Variants in SCARB1 observed in about 807,000 individuals in gnomAD.
SCARB1 encodes the protein CD36 and LIMPII analogous 1.
A neutral mutation model predicts 57.2 loss-of-function variants in SCARB1; 30 were observed. That is an observed-to-expected ratio of 0.52 (90% CI 0.39 to 0.71). The LOEUF is 0.71. SCARB1 is among the 30% of genes least tolerant of loss of function. The probability of loss-of-function intolerance (pLI) is 0.00; values close to 1 mark genes in which losing one functional copy is unlikely to be tolerated. For missense variants in SCARB1, 543 were observed against 671.2 expected (o/e 0.81, Z 2.11); for synonymous variants, 249 against 268.3 (o/e 0.93, Z 0.70).
intron 1 of SCARB1, among the ~76,000 whole-genome samples, chr12:124,846,517 G>A (rs906990194): frequency 6.6e-6 from 1 of 152,008 alleles, no homozygotes; most frequent in Non-Finnish European, 1.5e-5. Context: ...TTGGGAGGCC[G>A]AGGCAGGCGG....
chr12:124,854,393 T>C (rs1424791610), intron 1 of SCARB1, among the ~76,000 whole-genome samples: 1 of 152,148 alleles, frequency 6.6e-6, no homozygotes, highest in African/African-American at 2.4e-5. Flanking sequence ...CTGGGCCAGG[T>C]TAGGACCTGG....
rs1473303881 is a variant in SCARB1 at position 124,800,805 on chromosome 12, A to G, written c.1010-563T>C. The stretch of plus-strand genomic sequence containing the variant: ...ACACACCTGCTACAAATGTGAGCTC[A>G]ACCTCGCCACTGACCAACCAAACCA... On this transcript the variant is annotated intron_variant, in intron 7 of 12. Transcript: ENST00000261693. The surrounding 1 kb of genome is among the most constrained non-coding windows in gnomAD (Gnocchi z 4.8). 6.6e-6 allele frequency among the ~76,000 whole-genome samples: 1 copy of G among 152,136 alleles called. No individual in the cohort carries two copies. Among genetic ancestry groups the G allele is most frequent in the African/African-American group, 2.4e-5 (1 of 41,424 alleles).
chr12:124,778,788 G>A (rs923855875), intron 12 of SCARB1, among the ~76,000 whole-genome samples: 4 of 151,988 alleles, frequency 2.6e-5, no homozygotes, highest in Admixed American at 2.0e-4. Flanking sequence ...CTCAACACCC[G>A]CCTGGCCTCC....
chr12:124,811,853 C>A lies in SCARB1; in HGVS notation c.726+17G>T, dbSNP rs201556935. ...CCCTCTCCCTGGCGACAGGGGCCCT[C>A]GCCTCTCGCCCCTCACCTTGCTCAG... is the stretch of plus-strand genomic sequence containing the variant. On this transcript the variant is annotated intron_variant, in intron 5 of 12. Coordinates refer to ENST00000261693, the MANE Select transcript of SCARB1 (RefSeq NM_005505.5). The A allele has an allele frequency of 3.6e-5, 57 of 1,591,718 alleles. No individual in the cohort carries two copies. The highest frequency in any genetic ancestry group is 4.0e-5 in the Non-Finnish European group (47 of 1,164,810).
rs28497805 is a variant in SCARB1 at position 124,840,997 on chromosome 12, C to A, written c.126+22598G>T. On this transcript the variant is annotated intron_variant, in intron 1 of 12. Coordinates refer to ENST00000261693, the MANE Select transcript of SCARB1 (RefSeq NM_005505.5). The stretch of plus-strand genomic sequence containing the variant: ...CAGCCTGCCCAACATGGTGAAACAC[C>A]ATCTTTACGAAAAATACAAAAATTA... Among the ~76,000 whole-genome samples the A allele has an allele frequency of 4.1e-3, 618 of 152,062 alleles. 2 individuals carry two copies. The highest frequency in any genetic ancestry group is 0.013 in the African/African-American group (549 of 41,460).
At chr12:124,855,373 T>C (rs1952585721) in intron 1 of SCARB1, among the ~76,000 whole-genome samples, 1 of 152,134 alleles carries the variant, frequency 6.6e-6, no homozygotes, top group Admixed American at 6.5e-5. Flanking sequence ...TGTCTCCATA[T>C]CTCACGCAGG....
At chr12:124,857,348 T>TG (rs1952682251) in intron 1 of SCARB1, among the ~76,000 whole-genome samples, 1 of 152,218 alleles carries the variant, frequency 6.6e-6, no homozygotes, top group Non-Finnish European at 1.5e-5. Flanking sequence ...GCCCATTGAC[T>TG]GTTATCTCCC....
intron 1 of SCARB1, chr12:124,839,375 C>A (rs192008291): frequency 6.9e-6 from 3 of 435,628 alleles, no homozygotes; most frequent in South Asian, 3.3e-5. Flanking sequence ...TCGCAGCGTG[C>A]GTCCAAACGT....
Position 124,795,218 on chromosome 12 carries a change from G to A in SCARB1, c.1179C>T (p.Tyr393=). The change falls in exon 9 of 13, where the codon TAC becomes TAT. Residue 393 remains tyrosine, a synonymous_variant. Coordinates refer to ENST00000261693, the MANE Select transcript of SCARB1 (RefSeq NM_005505.5). ...ACCCAATGCCTGCGACAGATTTCAT[G>A]TAGAGGCTCAGCTGCAGTTTCACAG... ...NCSVKLQLSL[Y]MKSVAGIGQT... 4 of 1,613,984 alleles carry A rather than the reference G, an allele frequency of 2.5e-6. No homozygotes were observed. The highest frequency in any genetic ancestry group is 3.4e-6 in the Non-Finnish European group (4 of 1,179,876).
At chr12:124,846,855 T>C (rs766419985) in intron 1 of SCARB1, among the ~76,000 whole-genome samples, 6 of 150,530 alleles carry the variant, frequency 4.0e-5, no homozygotes, top group Non-Finnish European at 7.4e-5. Context: ...CGCAGCAATG[T>C]GGGTGGATCC....
At chr12:124,837,468 A>AAGGAAGGAAGG (rs1566230970) in intron 1 of SCARB1, among the ~76,000 whole-genome samples, 29 of 121,594 alleles carry the variant, frequency 2.4e-4, no homozygotes, top group African/African-American at 1.0e-3. Flanking sequence ...GGAAAGAAAG[A>AAGGAAGGAAGG]AAGAAAGGAA....
chr12:124,838,843 T>G (rs1193731991), intron 1 of SCARB1, among the ~76,000 whole-genome samples: 1 of 148,832 alleles, frequency 6.7e-6, no homozygotes, highest in Non-Finnish European at 1.5e-5. Flanking sequence ...TGGTGTGATC[T>G]CAGCTCACTG....
At position 124,863,689 on chromosome 12, in the gene SCARB1, G is replaced by A. The variant is rs1399832331; in HGVS notation, c.32C>T (p.Ala11Val). ...TAGCCCCGCGACGCCCAGCGCCCCG[G>A]CAGCCCAGCGCGCTTTGGCGGAGCA... MGCSAKARWA[A>V]GALGVAGLLC... The change falls in exon 1 of 13, where the codon GCC becomes GTC. Residue 11 changes from alanine to valine, a missense_variant. Transcript: ENST00000261693. The A allele has an allele frequency of 4.5e-6, 7 of 1,548,128 alleles. No individual in the cohort carries two copies. In the South Asian group the frequency reaches 6.0e-5, roughly 13 times the overall value.
intron 1 of SCARB1, among the ~76,000 whole-genome samples, chr12:124,836,907 A>T (rs1363080382): frequency 6.6e-6 from 1 of 151,934 alleles, no homozygotes; most frequent in Non-Finnish European, 1.5e-5. Context: ...AAGAGCACAA[A>T]CCCAATGTTG....
intron 9 of SCARB1, among the ~76,000 whole-genome samples, chr12:124,794,160 T>C (rs748927078): frequency 2.6e-5 from 4 of 152,126 alleles, no homozygotes; most frequent in Non-Finnish European, 5.9e-5. Flanking sequence ...AAGTGAGTGT[T>C]AATGAGTGTG....
At position 124,812,053 on chromosome 12, in the gene SCARB1, C is replaced by A; in HGVS notation, c.631-88G>T. ...GAACATTCTGGGCTGAGCCCTCCTC[C>A]CCCTCCACCAGAAGGACAGGGCCCC... On this transcript the variant is annotated intron_variant, in intron 4 of 12. Transcript: ENST00000261693. The surrounding 1 kb of genome is among the most constrained non-coding windows in gnomAD (Gnocchi z 4.3). The A allele has an allele frequency of 1.0e-6, 1 of 980,582 alleles. No homozygotes were observed. The highest frequency in any genetic ancestry group is 1.6e-6 in the Non-Finnish European group (1 of 627,474). 60.7% of individuals were successfully genotyped at this position (980,582 alleles called of 1,614,324 possible). A position where few individuals can be genotyped will look rare whatever the true frequency, so the allele number is the denominator to read the frequency against.
intron 6 of SCARB1, among the ~76,000 whole-genome samples, chr12:124,808,785 G>T (rs1181238400): frequency 1.3e-5 from 2 of 151,854 alleles, no homozygotes; most frequent in African/African-American, 4.8e-5. Context: ...AGTCCAAATT[G>T]GGATGCAAGT....
Position 124,807,901 on chromosome 12 carries a change from G to T in SCARB1, c.869C>A (p.Ser290Ter). 6.2e-7 allele frequency: 1 copy of T among 1,614,190 alleles called. No individual in the cohort carries two copies. Among genetic ancestry groups the T allele is most frequent in the Non-Finnish European group, 8.5e-7 (1 of 1,180,042 alleles). The part of the protein sequence containing the change: ...CRSMKLMYKE[S>*]GVFEGIPTYR... ...GGTGGGGATGCCTTCAAACACCCCT[G>T]ACTCCTTGTACATTAGCTTCATGGA... The change falls in exon 7 of 13, where the codon TCA becomes TAA. Residue 290 changes from serine (S) to a stop codon, truncating the protein, a stop_gained. Transcript: ENST00000261693. LOFTEE classifies it high-confidence loss of function. The surrounding 1 kb of genome is among the most constrained non-coding windows in gnomAD (Gnocchi z 5.3).
rs1566127609 is a variant in SCARB1, at chr12:124,782,820, T to C, written c.1402-9A>G. On this transcript the variant is annotated splice_polypyrimidine_tract_variant and intron_variant, in intron 11 of 12. Coordinates refer to ENST00000261693, the MANE Select transcript of SCARB1 (RefSeq NM_005505.5). The stretch of plus-strand genomic sequence containing the variant: ...AATAAATAGCATTTCTCCTAGAAGA[T>C]AACCAAGCTAATTTATAGTTGACGT... 1.2e-6 allele frequency: 2 copies of C among 1,614,084 alleles called. No homozygotes were observed. Among genetic ancestry groups the C allele is most frequent in the Non-Finnish European group, 1.7e-6 (2 of 1,179,908 alleles).
Sources: allele counts gnomAD v4.1 joint callset (sites outside exome capture counted in the v4.1 genomes callset), GRCh38; gene constraint gnomAD v4.1.1; non-coding constraint Gnocchi (gnomAD v3.1); transcripts MANE v1.5; gene names NCBI Gene and HGNC (gene_info 2026-07-23, HGNC 2026-07-21).